COL25A1: variants seen among roughly 807,000 people sequenced by gnomAD.
COL25A1 encodes collagen type XXV alpha 1 chain, also known as collagen alpha-1(XXV) chain.
COL25A1 carries 103 observed loss-of-function variants against 128.4 expected under a neutral mutation model. The ratio of observed to expected loss-of-function variants is 0.80; its 90% CI spans 0.68 to 0.94. The LOEUF is 0.94. Among genes scored for constraint, COL25A1 ranks in the 40% least tolerant of loss-of-function variants. The probability of loss-of-function intolerance (pLI) is 0.00; values close to 1 mark genes in which losing one functional copy is unlikely to be tolerated. For synonymous variants in COL25A1, 279 were observed against 277.2 expected (o/e 1.01, Z -0.06); for missense variants, 745 against 840.0 (o/e 0.89, Z 1.40).
Position 109,006,355 on chromosome 4 carries a change from G to A in COL25A1, c.438+4003C>T, listed in dbSNP as rs374936771. On this transcript the variant is annotated intron_variant, in intron 6 of 37. Coordinates refer to ENST00000399132, the MANE Select transcript of COL25A1 (RefSeq NM_198721.4). ...GCCTCCCTAGTAGCTAGGGTTATAG[G>A]TGTGCACTGCCACACCCAGCTAATT... is the stretch of plus-strand genomic sequence containing the variant. Among the ~76,000 whole-genome samples the A allele has an allele frequency of 1.4e-4, 19 of 139,998 alleles. No individual in the cohort carries two copies. In the South Asian group the frequency reaches 4.5e-3, roughly 33 times the overall value. The allele number at this position is 139,998 out of a possible 152,430, so 91.8% of individuals were successfully genotyped here.
intron 11 of COL25A1, among the ~76,000 whole-genome samples, chr4:108,928,060 T>C (rs6823341): frequency 0.03 from 4,595 of 152,182 alleles, 97 homozygotes; most frequent in Middle Eastern, 0.058. Context: ...ATGGAAATGA[T>C]CCGAAAAGAA....
chr4:109,158,990 T>C, intron 3 of COL25A1, among the ~76,000 whole-genome samples: 1 of 152,112 alleles, frequency 6.6e-6, no homozygotes, highest in East Asian at 1.9e-4. Context: ...TTTTATTATG[T>C]ATTTACGTAG....
chr4:109,228,457 C>T (rs1778950133), intron 3 of COL25A1, among the ~76,000 whole-genome samples: 1 of 152,174 alleles, frequency 6.6e-6, no homozygotes, highest in Admixed American at 6.5e-5. Context: ...CAGATATACA[C>T]TAATCCCTTT....
intron 3 of COL25A1, among the ~76,000 whole-genome samples, chr4:109,068,302 A>T (rs1762628836): frequency 6.6e-6 from 1 of 152,204 alleles, no homozygotes; most frequent in African/African-American, 2.4e-5. Context: ...AAGAAACATG[A>T]GTAATGAGTA....
chr4:108,833,300 A>G (rs1370997624), intron 31 of COL25A1, among the ~76,000 whole-genome samples: 1 of 152,228 alleles, frequency 6.6e-6, no homozygotes. Flanking sequence ...GTGGCCAGTC[A>G]CTAGGCTTAC....
At chr4:108,866,283 C>T (rs928340281) in intron 20 of COL25A1, among the ~76,000 whole-genome samples, 3 of 150,502 alleles carry the variant, frequency 2.0e-5, no homozygotes, top group Non-Finnish European at 1.5e-5. Context: ...ACCTCTGCCT[C>T]CTGGGCTCAG....
At chr4:109,098,651 T>C (rs1033418336) in intron 3 of COL25A1, among the ~76,000 whole-genome samples, 2 of 152,250 alleles carry the variant, frequency 1.3e-5, no homozygotes, top group Admixed American at 1.3e-4. Context: ...ATCAATCTTC[T>C]TTATTCACAT....
chr4:109,155,187 G>A (rs1279553342), intron 3 of COL25A1, among the ~76,000 whole-genome samples: 1 of 152,092 alleles, frequency 6.6e-6, no homozygotes, highest in Non-Finnish European at 1.5e-5. Context: ...GAGTTATTTG[G>A]CACTGTTGCT....
chr4:109,094,889 T>G (rs937578885), intron 3 of COL25A1, among the ~76,000 whole-genome samples: 1 of 152,200 alleles, frequency 6.6e-6, no homozygotes, highest in African/African-American at 2.4e-5. Context: ...AGCAAAGCCT[T>G]CTAATGATTA....
chr4:109,103,179 A>T (rs2126025242), intron 3 of COL25A1, among the ~76,000 whole-genome samples: 1 of 152,322 alleles, frequency 6.6e-6, no homozygotes, highest in African/African-American at 2.4e-5. Flanking sequence ...CAAATAAACT[A>T]ATACATCACT....
chr4:109,173,220 G>C (rs1773754737), intron 3 of COL25A1, among the ~76,000 whole-genome samples: 1 of 151,576 alleles, frequency 6.6e-6, no homozygotes, highest in Non-Finnish European at 1.5e-5. Context: ...TGAATAGCTA[G>C]GACTACAGGC....
chr4:108,993,931 T>C (rs943215741), intron 6 of COL25A1, among the ~76,000 whole-genome samples: 2 of 151,768 alleles, frequency 1.3e-5, no homozygotes, highest in African/African-American at 4.8e-5. Context: ...GATCCTGCCT[T>C]TGAAGATCAG....
At chr4:108,854,504 CT>C (rs1736221894) in intron 24 of COL25A1, among the ~76,000 whole-genome samples, 1 of 151,854 alleles carries the variant, frequency 6.6e-6, no homozygotes, top group Admixed American at 6.6e-5. Flanking sequence ...CTACAAAGAA[CT>C]TAAATTTACA....
chr4:109,180,500 G>C (rs1001632184), intron 3 of COL25A1, among the ~76,000 whole-genome samples: 2 of 152,084 alleles, frequency 1.3e-5, no homozygotes, highest in African/African-American at 4.8e-5. Context: ...GCTAAAAGTT[G>C]TATCTATTGC....
At chr4:108,928,400 C>T (rs1746322081) in intron 11 of COL25A1, among the ~76,000 whole-genome samples, 1 of 152,154 alleles carries the variant, frequency 6.6e-6, no homozygotes, top group Admixed American at 6.6e-5. Context: ...ATGACAGAAA[C>T]ATTCTATATT....
At position 108,886,488 on chromosome 4, in the gene COL25A1, G is replaced by GTTTTTTTTTT. The variant is rs1413657808; in HGVS notation, c.976-2267_976-2266insAAAAAAAAAA. Among the ~76,000 whole-genome samples, 17 of 49,466 alleles carry GTTTTTTTTTT rather than the reference G, an allele frequency of 3.4e-4. 1 individual carries two copies. Among genetic ancestry groups the GTTTTTTTTTT allele is most frequent in the African/African-American group, 1.1e-3 (17 of 15,482 alleles). The allele number at this position is 49,466 out of a possible 152,430, so 32.5% of individuals were successfully genotyped here. A position where few individuals can be genotyped will look rare whatever the true frequency, so the allele number is the denominator to read the frequency against. ...TGTGTGTGTGTGTGTGTGTGTGTGT[G>GTTTTTTTTTT]TGTGTTTAGCTCATCAGCTATTTTA... On this transcript the variant is annotated intron_variant, in intron 18 of 37. Coordinates refer to ENST00000399132, the MANE Select transcript of COL25A1 (RefSeq NM_198721.4).
At chr4:109,171,609 TAAC>T (rs1299831452) in intron 3 of COL25A1, among the ~76,000 whole-genome samples, 1 of 152,204 alleles carries the variant, frequency 6.6e-6, no homozygotes, top group Non-Finnish European at 1.5e-5. Context: ...GGAGAAATAT[TAAC>T]AACTCTTCTA....
chr4:109,067,291 G>C (rs1762526796), intron 3 of COL25A1, among the ~76,000 whole-genome samples: 1 of 152,068 alleles, frequency 6.6e-6, no homozygotes, highest in African/African-American at 2.4e-5. Context: ...ACTCACTATA[G>C]AAATAATCTC....
chr4:109,276,742 G>A (rs1722890245), intron 3 of COL25A1, among the ~76,000 whole-genome samples: 1 of 152,070 alleles, frequency 6.6e-6, no homozygotes, highest in Admixed American at 6.6e-5. Flanking sequence ...TCTCAATGAT[G>A]GCGAGCCCAC....
Sources: allele counts gnomAD v4.1 joint callset (sites outside exome capture counted in the v4.1 genomes callset), GRCh38; gene constraint gnomAD v4.1.1; transcripts MANE v1.5; gene names NCBI Gene and HGNC (gene_info 2026-07-23, HGNC 2026-07-21).